Variants in ADAM18 observed in about 807,000 individuals in gnomAD.
ADAM18 encodes the protein ADAM metallopeptidase domain 18.
Under a neutral mutation model 94.4 loss-of-function variants are expected in ADAM18, and 117 were observed. That is an observed-to-expected ratio of 1.24 (90% CI 1.07 to 1.45). The LOEUF is 1.45. Among genes scored for constraint, ADAM18 ranks in the 40% most tolerant of loss-of-function variants. The pLI, the probability that ADAM18 is intolerant of heterozygous loss-of-function variation, is 0.00. For missense variants in ADAM18, 936 were observed against 880.0 expected (o/e 1.06, Z -0.81); for synonymous variants, 327 against 291.6 (o/e 1.12, Z -1.24).
chr8:39,603,132 C>T (rs912168307), intron 2 of ADAM18, among the ~76,000 whole-genome samples: 9 of 152,184 alleles, frequency 5.9e-5, no homozygotes. Flanking sequence ...AATGACGACC[C>T]TTTCTCCATT....
chr8:39,668,156 T>G lies in ADAM18; in HGVS notation c.1485T>G (p.Cys495Trp). The G allele has an allele frequency of 6.2e-7, 1 of 1,614,102 alleles. No individual in the cohort carries two copies. The highest frequency in any genetic ancestry group is 8.5e-7 in the Non-Finnish European group (1 of 1,179,986). ...CTGCCTATTGCTATAACGGACAATG[T>G]CAAACTACTGATAACCAGTGTGCCA... ...LGTAYCYNGQCQTTDNQCAKI... is the reference protein window; with the variant it reads ...LGTAYCYNGQWQTTDNQCAKI... Residue 495 changes from cysteine to tryptophan, a missense_variant, in exon 14 of 20, where the codon TGT (cysteine) becomes TGG (tryptophan). By Grantham distance (215) the Cys-to-Trp change is radical. Coordinates refer to ENST00000265707, the MANE Select transcript of ADAM18 (RefSeq NM_014237.3).
intron 2 of ADAM18, among the ~76,000 whole-genome samples, chr8:39,591,164 G>A (rs2129458024): frequency 6.6e-6 from 1 of 152,270 alleles, no homozygotes; most frequent in Admixed American, 6.5e-5. Flanking sequence ...GTTACAATCA[G>A]GCCTTGTCTG....
chr8:39,677,924 T>C (rs1205004636), intron 15 of ADAM18, among the ~76,000 whole-genome samples: 1 of 152,204 alleles, frequency 6.6e-6, no homozygotes, highest in Admixed American at 6.5e-5. Flanking sequence ...ATTTTTGTTT[T>C]TGCTAATTGT....
At position 39,610,662 on chromosome 8, in the gene ADAM18, ATTTGG is replaced by A; in HGVS notation, c.479_483del (p.Ile160ThrfsTer37). ...CATTTTAGCAGTAAATTACAGTCATATTTGGCAGAAAGACCAGCCCTACAAAGTTC... is the reference window on the plus strand; with the variant it reads ...CATTTTAGCAGTAAATTACAGTCATACAGAAAGACCAGCCCTACAAAGTTC... On this transcript the variant is annotated frameshift_variant, in exon 6 of 20. Transcript: ENST00000265707. LOFTEE classifies it high-confidence loss of function. 6.2e-7 allele frequency: 1 copy of A among 1,613,386 alleles called. No homozygotes were observed. Among genetic ancestry groups the A allele is most frequent in the African/African-American group, 1.3e-5 (1 of 75,018 alleles).
At chr8:39,712,412 T>A (rs1468457130) in intron 18 of ADAM18, among the ~76,000 whole-genome samples, 1 of 152,182 alleles carries the variant, frequency 6.6e-6, no homozygotes, top group African/African-American at 2.4e-5. Context: ...TCACCACTCC[T>A]ATTCAACATA....
intron 17 of ADAM18, among the ~76,000 whole-genome samples, chr8:39,702,102 C>A (rs1325655100): frequency 6.6e-6 from 1 of 152,198 alleles, no homozygotes; most frequent in Non-Finnish European, 1.5e-5. Context: ...AACACTCCCA[C>A]CAACAGTGTA....
chr8:39,726,842 AT>A (rs1386610948), intron 19 of ADAM18, among the ~76,000 whole-genome samples: 1 of 152,140 alleles, frequency 6.6e-6, no homozygotes, highest in Non-Finnish European at 1.5e-5. Flanking sequence ...CCTCCCATAA[AT>A]TTTATTTGAC....
chr8:39,710,060 T>C (rs530014622), intron 18 of ADAM18, among the ~76,000 whole-genome samples: 16 of 152,318 alleles, frequency 1.1e-4, no homozygotes, highest in African/African-American at 3.8e-4. Context: ...TTATAGGTTG[T>C]TTAGCTAATC....
chr8:39,680,312 T>C, intron 16 of ADAM18, 86 bp downstream of exon 16: 3 of 1,233,920 alleles, frequency 2.4e-6, no homozygotes, highest in Non-Finnish European at 3.3e-6. Flanking sequence ...ATCACAATTA[T>C]ATTGAATGGA....
At chr8:39,706,950 TA>T in intron 18 of ADAM18, 46 bp downstream of exon 18, 1 of 1,139,710 alleles carries the variant, frequency 8.8e-7, no homozygotes, top group Non-Finnish European at 1.3e-6. Context: ...GGTTGTTTTA[TA>T]TAAAGTTAAT....
intron 6 of ADAM18, among the ~76,000 whole-genome samples, chr8:39,625,249 C>T (rs1427340346): frequency 6.6e-6 from 1 of 152,024 alleles, no homozygotes; most frequent in Non-Finnish European, 1.5e-5. Context: ...GAGCTTTCAC[C>T]TCCTTGGGTA....
intron 18 of ADAM18, among the ~76,000 whole-genome samples, chr8:39,717,773 C>T (rs1822620424): frequency 1.3e-5 from 2 of 151,432 alleles, no homozygotes; most frequent in African/African-American, 4.8e-5. Flanking sequence ...AGAGTGAAAC[C>T]TATTGAGTGG....
At chr8:39,662,557 G>A (rs960657694) in intron 12 of ADAM18, among the ~76,000 whole-genome samples, 9 of 152,116 alleles carry the variant, frequency 5.9e-5, no homozygotes, top group Admixed American at 3.9e-4. Flanking sequence ...AAAATATGGT[G>A]TAAATGCAGT....
intron 17 of ADAM18, among the ~76,000 whole-genome samples, chr8:39,706,171 T>C (rs1174652397): frequency 6.6e-6 from 1 of 152,108 alleles, no homozygotes; most frequent in Non-Finnish European, 1.5e-5. Context: ...TACAGAAACA[T>C]TGTCAAATGT....
intron 19 of ADAM18, among the ~76,000 whole-genome samples, chr8:39,725,923 G>A (rs986731285): frequency 1.8e-4 from 27 of 151,994 alleles, no homozygotes; most frequent in Non-Finnish European, 3.2e-4. Flanking sequence ...ATGAAGAACC[G>A]TCATACTGTT....
chr8:39,601,955 T>C (rs191974810), intron 2 of ADAM18, among the ~76,000 whole-genome samples: 3 of 152,346 alleles, frequency 2.0e-5, no homozygotes, highest in Admixed American at 2.0e-4. Flanking sequence ...TTTCAGTTAG[T>C]ATAGTGTCCT....
intron 10 of ADAM18, among the ~76,000 whole-genome samples, chr8:39,639,604 C>T (rs1319509156): frequency 4.6e-5 from 7 of 151,802 alleles, no homozygotes; most frequent in African/African-American, 1.5e-4. Context: ...AATTATATAA[C>T]TCATTTGAAT....
At position 39,722,269 on chromosome 8, in the gene ADAM18, T is replaced by C. The variant is rs866031800; in HGVS notation, c.2018-1479T>C. Among the ~76,000 whole-genome samples, 17 of 139,706 alleles carry C rather than the reference T, an allele frequency of 1.2e-4. No homozygotes were observed. The Middle Eastern group carries it at 0.019, about 153-fold the overall frequency. The allele number at this position is 139,706 out of a possible 152,430, so 91.7% of individuals were successfully genotyped here. A position where few individuals can be genotyped will look rare whatever the true frequency, so the allele number is the denominator to read the frequency against. ...TATATATATATATATATATGCCGTG[T>C]GTTTTTTATCCAGTCGTCCATTGAT... On this transcript the variant is annotated intron_variant, in intron 18 of 19. Transcript: ENST00000265707.
At chr8:39,669,003 T>C (rs1821073158) in intron 14 of ADAM18, among the ~76,000 whole-genome samples, 1 of 152,088 alleles carries the variant, frequency 6.6e-6, no homozygotes, top group Non-Finnish European at 1.5e-5. Flanking sequence ...ATTTCTTAAA[T>C]CACAAGTCAG....
Sources: allele counts gnomAD v4.1 joint callset (sites outside exome capture counted in the v4.1 genomes callset), GRCh38; gene constraint gnomAD v4.1.1; transcripts MANE v1.5; gene names NCBI Gene and HGNC (gene_info 2026-07-23, HGNC 2026-07-21).